DGKB: variants seen among roughly 807,000 people sequenced by gnomAD.
DGKB encodes the protein 90 kDa diacylglycerol kinase.
A neutral mutation model predicts 114.3 loss-of-function variants in DGKB; 67 were observed. That is an observed-to-expected ratio of 0.59 (90% CI 0.48 to 0.72). DGKB has a LOEUF of 0.72. Among genes scored for constraint, DGKB ranks in the 30% least tolerant of loss-of-function variants. The pLI is 0.00. For missense variants in DGKB, 907 were observed against 975.2 expected, an observed-to-expected ratio of 0.93 and a Z score of 0.93; for synonymous variants, 398 against 323.1, an observed-to-expected ratio of 1.23 and a Z score of -2.49.
chr7:14,742,584 G>C (rs1308225426), intron 4 of DGKB, among the ~76,000 whole-genome samples: 1 of 152,166 alleles, frequency 6.6e-6, no homozygotes, highest in East Asian at 1.9e-4. Context: ...TTTGGCCTTA[G>C]AGAACTGTTC....
At chr7:14,329,108 T>C (rs1382255469) in intron 23 of DGKB, among the ~76,000 whole-genome samples, 2 of 151,912 alleles carry the variant, frequency 1.3e-5, no homozygotes, top group Non-Finnish European at 2.9e-5. Flanking sequence ...TAAAAGAGTA[T>C]ATTCATGGAA....
intron 13 of DGKB, among the ~76,000 whole-genome samples, chr7:14,670,553 C>T (rs1313606063): frequency 6.6e-6 from 1 of 152,032 alleles, no homozygotes; most frequent in African/African-American, 2.4e-5. Context: ...GATCCACCCA[C>T]CTCGACCCCC....
intron 1 of DGKB, among the ~76,000 whole-genome samples, chr7:14,957,633 T>G (rs1461391344): frequency 1.3e-5 from 2 of 152,078 alleles, no homozygotes. Context: ...TACTGTATCT[T>G]GCTTTGTTAA....
chr7:14,597,664 T>C (rs922640209), intron 17 of DGKB, among the ~76,000 whole-genome samples: 2 of 152,138 alleles, frequency 1.3e-5, no homozygotes, highest in African/African-American at 4.8e-5. Context: ...AGGGTATGTA[T>C]AATCAGGAAA....
intron 11 of DGKB, 36 bp downstream of exon 11, chr7:14,682,717 G>T (rs1339001441): frequency 1.9e-6 from 3 of 1,603,076 alleles, no homozygotes; most frequent in Non-Finnish European, 2.6e-6. Context: ...CTACATAATG[G>T]CCACCTTCAG....
At chr7:14,318,621 A>T (rs1807105454) in intron 23 of DGKB, among the ~76,000 whole-genome samples, 1 of 152,098 alleles carries the variant, frequency 6.6e-6, no homozygotes, top group South Asian at 2.1e-4. Flanking sequence ...GGCAATCATT[A>T]AAAAGTCAGG....
At chr7:14,489,770 G>A (rs781286193) in intron 20 of DGKB, among the ~76,000 whole-genome samples, 3 of 152,108 alleles carry the variant, frequency 2.0e-5, no homozygotes, top group Non-Finnish European at 4.4e-5. Context: ...GGCAGCAGTG[G>A]AGCCTGAAGT....
intron 23 of DGKB, among the ~76,000 whole-genome samples, chr7:14,270,086 C>A (rs1251316087): frequency 3.5e-5 from 5 of 141,456 alleles, no homozygotes; most frequent in African/African-American, 1.3e-4. Flanking sequence ...GAGAGAGATT[C>A]CTGAATGCAC....
chr7:14,553,462 G>A (rs1203043299), intron 20 of DGKB, among the ~76,000 whole-genome samples: 1 of 152,150 alleles, frequency 6.6e-6, no homozygotes, highest in East Asian at 1.9e-4. Flanking sequence ...TGAAGGAAAG[G>A]AAAAGACACA....
intron 20 of DGKB, among the ~76,000 whole-genome samples, chr7:14,539,349 ACACTGT>A (rs1275120970): frequency 5.9e-5 from 9 of 152,142 alleles, no homozygotes; most frequent in Non-Finnish European, 1.3e-4. Flanking sequence ...ACCAAATCCC[ACACTGT>A]CATGTTTTCC....
At chr7:14,556,963 C>T (rs1005958942) in intron 20 of DGKB, among the ~76,000 whole-genome samples, 7 of 152,172 alleles carry the variant, frequency 4.6e-5, no homozygotes, top group African/African-American at 1.7e-4. Flanking sequence ...TCTCTTACTA[C>T]CTTTCTACAT....
At chr7:14,918,899 T>G (rs1784370859) in intron 1 of DGKB, among the ~76,000 whole-genome samples, 2 of 151,878 alleles carry the variant, frequency 1.3e-5, no homozygotes, top group South Asian at 4.1e-4. Flanking sequence ...CCGCCTCTAC[T>G]AAAAATACAA....
chr7:14,643,957 G>C (rs1812384712), intron 13 of DGKB, among the ~76,000 whole-genome samples: 1 of 152,122 alleles, frequency 6.6e-6, no homozygotes, highest in South Asian at 2.1e-4. Flanking sequence ...GGACCAACCA[G>C]GGTCTACTGC....
At chr7:14,854,931 A>G (rs1849907941) in intron 1 of DGKB, among the ~76,000 whole-genome samples, 1 of 152,178 alleles carries the variant, frequency 6.6e-6, no homozygotes, top group South Asian at 2.1e-4. Flanking sequence ...AAAAAAATGA[A>G]CAAATTCTGA....
intron 1 of DGKB, among the ~76,000 whole-genome samples, chr7:14,943,502 T>C (rs1266337719): frequency 2.0e-5 from 3 of 151,980 alleles, no homozygotes; most frequent in Non-Finnish European, 4.4e-5. Flanking sequence ...ATTGTCCTCA[T>C]TATTTTTATT....
At chr7:14,909,596 A>G (rs1321656151) in intron 1 of DGKB, among the ~76,000 whole-genome samples, 1 of 152,218 alleles carries the variant, frequency 6.6e-6, no homozygotes, top group East Asian at 1.9e-4. Context: ...TAAAAATTTA[A>G]ATCTGCAAAT....
intron 23 of DGKB, among the ~76,000 whole-genome samples, chr7:14,211,390 T>TA (rs1787844424): frequency 1.0e-5 from 1 of 97,406 alleles, no homozygotes; most frequent in Admixed American, 1.1e-4. Flanking sequence ...GATTTTACTC[T>TA]CATGTTTTGT....
chr7:14,239,085 G>A (rs900402840), intron 23 of DGKB, among the ~76,000 whole-genome samples: 4 of 151,838 alleles, frequency 2.6e-5, no homozygotes, highest in Non-Finnish European at 4.4e-5. Context: ...TTTTGCATTC[G>A]TGTTAGGCTT....
At chr7:14,346,512 C>T (rs763416715) in intron 21 of DGKB, among the ~76,000 whole-genome samples, 1 of 151,880 alleles carries the variant, frequency 6.6e-6, no homozygotes, top group Non-Finnish European at 1.5e-5. Context: ...ATATTCAGGC[C>T]AGTAATCTGA....
Sources: allele counts gnomAD v4.1 joint callset (sites outside exome capture counted in the v4.1 genomes callset), GRCh38; gene constraint gnomAD v4.1.1; transcripts MANE v1.5; gene names NCBI Gene and HGNC (gene_info 2026-07-23, HGNC 2026-07-21).